Variants in SCAPER observed in about 807,000 individuals in gnomAD.
SCAPER encodes S phase cyclin A-associated protein in the endoplasmic reticulum.
SCAPER carries 98 observed loss-of-function variants against 182.2 expected under a neutral mutation model. The ratio of observed to expected loss-of-function variants is 0.54; its 90% CI spans 0.46 to 0.64. The LOEUF (loss-of-function observed/expected upper bound fraction) is 0.64, where lower values mean the gene tolerates loss of function less well. SCAPER is among the 30% of genes least tolerant of loss of function. The pLI, the probability that SCAPER is intolerant of heterozygous loss-of-function variation, is 0.00. For synonymous variants in SCAPER, 605 were observed against 564.6 expected (o/e 1.07, Z -1.01); for missense variants, 1,432 against 1,690.0 (o/e 0.85, Z 2.68).
At chr15:76,514,211 T>C (rs1185794819) in intron 23 of SCAPER, among the ~76,000 whole-genome samples, 1 of 152,324 alleles carries the variant, frequency 6.6e-6, no homozygotes, top group East Asian at 1.9e-4. Flanking sequence ...GTAATTCTGA[T>C]TTGATTGAGA....
intron 21 of SCAPER, among the ~76,000 whole-genome samples, chr15:76,653,361 A>G (rs1407017633): frequency 6.6e-6 from 1 of 152,222 alleles, no homozygotes; most frequent in African/African-American, 2.4e-5. Flanking sequence ...ATTAGAAAAA[A>G]TGATTCTAAA....
intron 2 of SCAPER, among the ~76,000 whole-genome samples, chr15:76,878,099 A>T (rs775803726): frequency 2.0e-5 from 3 of 152,238 alleles, no homozygotes; most frequent in Non-Finnish European, 4.4e-5. Flanking sequence ...ATATTTACAG[A>T]CACGTGTTTC....
At position 76,772,316 on chromosome 15, in the gene SCAPER, T is replaced by C. The variant is rs1307411754; in HGVS notation, c.1036-362A>G. ...GCATTCATTCACTGTATTATACTCA[T>C]ACAACCAAAAGTATTTACATGGTCT... is the stretch of plus-strand genomic sequence containing the variant. On this transcript the variant is annotated intron_variant, in intron 9 of 31. Transcript: ENST00000563290. Among the ~76,000 whole-genome samples the C allele has an allele frequency of 2.6e-5, 4 of 152,056 alleles. No individual in the cohort carries two copies. In the South Asian group the frequency reaches 6.2e-4, roughly 24 times the overall value.
chr15:76,814,788 C>T (rs1375349015), intron 5 of SCAPER, among the ~76,000 whole-genome samples: 1 of 151,912 alleles, frequency 6.6e-6, no homozygotes, highest in Non-Finnish European at 1.5e-5. Context: ...AAAAACTTTC[C>T]TACAAATAAA....
Position 76,595,838 on chromosome 15 carries a change from C to T in SCAPER, c.2712-21554G>A, listed in dbSNP as rs2049454083. On this transcript the variant is annotated intron_variant, in intron 22 of 31. Transcript: ENST00000563290. ...AGAGTTTAGAGGGAAATTTATAGCA[C>T]TAAATGCCCACAGGAGAAAGCAGGA... is the stretch of plus-strand genomic sequence containing the variant. Among the ~76,000 whole-genome samples the T allele has an allele frequency of 1.6e-5, 2 of 122,030 alleles. 1 individual carries two copies. Among genetic ancestry groups the T allele is most frequent in the South Asian group, 5.0e-4 (2 of 4,014 alleles). The allele number at this position is 122,030 out of a possible 152,430, so 80.1% of individuals were successfully genotyped here.
intron 8 of SCAPER, among the ~76,000 whole-genome samples, chr15:76,790,755 G>A (rs1046867479): frequency 2.0e-5 from 3 of 152,126 alleles, no homozygotes; most frequent in African/African-American, 4.8e-5. Flanking sequence ...CTAGTGGTCT[G>A]TTAATTCTAC....
intron 24 of SCAPER, among the ~76,000 whole-genome samples, chr15:76,485,294 AAAG>A (rs1444711503): frequency 6.6e-6 from 1 of 152,230 alleles, no homozygotes; most frequent in African/African-American, 2.4e-5. Flanking sequence ...ACTGCCACAA[AAAG>A]AATAAAATAC....
At chr15:76,806,207 A>G (rs187607215) in intron 5 of SCAPER, among the ~76,000 whole-genome samples, 98 of 152,372 alleles carry the variant, frequency 6.4e-4, no homozygotes, top group African/African-American at 2.2e-3. Context: ...GTATTCAGTT[A>G]ATATCTGTAT....
At position 76,437,547 on chromosome 15, in the gene SCAPER, A is replaced by G. The variant is rs561730929; in HGVS notation, c.3079-3237T>C. ...AAATACAACTTTCTTTTTCTTTTACACACTACACAAAGAATATGAGTAATA... is the reference window on the plus strand; with the variant it reads ...AAATACAACTTTCTTTTTCTTTTACGCACTACACAAAGAATATGAGTAATA... On this transcript the variant is annotated intron_variant, in intron 25 of 31. Coordinates refer to ENST00000563290, the MANE Select transcript of SCAPER (RefSeq NM_020843.4). 3.9e-5 allele frequency among the ~76,000 whole-genome samples: 6 copies of G among 152,306 alleles called. No individual in the cohort carries two copies. The East Asian group carries it at 1.2e-3, about 29-fold the overall frequency.
At chr15:76,451,923 G>A (rs930728429) in intron 25 of SCAPER, among the ~76,000 whole-genome samples, 4 of 152,090 alleles carry the variant, frequency 2.6e-5, no homozygotes, top group Admixed American at 2.6e-4. Flanking sequence ...GGTCTAATCA[G>A]GGTTTCTCTG....
chr15:76,650,289 G>C (rs2054914141), intron 21 of SCAPER, among the ~76,000 whole-genome samples: 1 of 151,804 alleles, frequency 6.6e-6, no homozygotes, highest in South Asian at 2.1e-4. Flanking sequence ...TAAATATAAA[G>C]AGACATAGTT....
In SCAPER at chr15:76,605,892, C is replaced by T. The variant is rs1467171748; in HGVS notation, c.2711+15872G>A. Among the ~76,000 whole-genome samples, 11 of 151,872 alleles carry T rather than the reference C, an allele frequency of 7.2e-5. 1 individual carries two copies. Among genetic ancestry groups the T allele is most frequent in the Non-Finnish European group, 8.8e-5 (6 of 67,940 alleles). On this transcript the variant is annotated intron_variant, in intron 22 of 31. Coordinates refer to ENST00000563290, the MANE Select transcript of SCAPER (RefSeq NM_020843.4). ...ATATCCCCTTTATCTTTTTTTATTG[C>T]GTCTATTTGATTCTTCTCTCTTTTC...
At chr15:76,469,843 C>T (rs1172340981) in intron 25 of SCAPER, among the ~76,000 whole-genome samples, 3 of 152,080 alleles carry the variant, frequency 2.0e-5, no homozygotes, top group Admixed American at 6.6e-5. Flanking sequence ...TAGGGCCATA[C>T]AACAAATGTT....
chr15:76,812,362 G>A (rs944854898), intron 5 of SCAPER, among the ~76,000 whole-genome samples: 8 of 151,074 alleles, frequency 5.3e-5, no homozygotes, highest in African/African-American at 9.7e-5. Flanking sequence ...GGTGGCATGC[G>A]CCTGTAATTC....
chr15:76,567,846 T>C (rs2145258421), intron 23 of SCAPER, among the ~76,000 whole-genome samples: 1 of 152,208 alleles, frequency 6.6e-6, no homozygotes, highest in South Asian at 2.1e-4. Flanking sequence ...CTGGTGCCTT[T>C]TGATGAACAA....
At chr15:76,894,702 A>C (rs1016134912) in intron 1 of SCAPER, among the ~76,000 whole-genome samples, 3 of 152,162 alleles carry the variant, frequency 2.0e-5, no homozygotes, top group South Asian at 4.1e-4. Context: ...TGTAAGAGGA[A>C]ACATTACAAC....
intron 29 of SCAPER, among the ~76,000 whole-genome samples, chr15:76,365,881 G>A (rs2041774575): frequency 6.6e-6 from 1 of 152,086 alleles, no homozygotes; most frequent in Admixed American, 6.5e-5. Flanking sequence ...TATGGCAATC[G>A]TGCACTTATG....
chr15:76,418,485 G>C (rs377351497), intron 26 of SCAPER, among the ~76,000 whole-genome samples: 1 of 152,160 alleles, frequency 6.6e-6, no homozygotes, highest in African/African-American at 2.4e-5. Context: ...CCCATGTTGG[G>C]CACTCCCCAC....
At chr15:76,388,622 G>C (rs2043444039) in intron 27 of SCAPER, among the ~76,000 whole-genome samples, 1 of 152,136 alleles carries the variant, frequency 6.6e-6, no homozygotes, top group South Asian at 2.1e-4. Context: ...CTAAGATTCT[G>C]TTCAATTCTG....
Sources: gnomAD v4.1 joint callset for allele counts (sites outside exome capture counted in the v4.1 genomes callset) on GRCh38, gnomAD v4.1.1 for gene constraint, MANE v1.5 for transcripts, NCBI Gene and HGNC (gene_info 2026-07-23, HGNC 2026-07-21) for gene names.